Variants in GRIN2A observed in about 807,000 individuals in gnomAD.
GRIN2A encodes glutamate ionotropic receptor NMDA type subunit 2A.
GRIN2A carries 22 observed loss-of-function variants against 113.4 expected under a neutral mutation model. That is an observed-to-expected ratio of 0.19 (90% CI 0.14 to 0.28). The LOEUF (loss-of-function observed/expected upper bound fraction) is 0.28. Ranked by LOEUF, GRIN2A falls within the 10% of genes least tolerant of loss-of-function variation. The probability of loss-of-function intolerance (pLI) is 1.00; values close to 1 mark genes in which losing one functional copy is unlikely to be tolerated. For synonymous variants in GRIN2A, 827 were observed against 738.4 expected, an observed-to-expected ratio of 1.12 and a Z score of -1.94; for missense variants, 1,502 against 1,887.0, an observed-to-expected ratio of 0.80 and a Z score of 3.78.
chr16:9,763,377 G>GT lies in GRIN2A; in HGVS notation c.4166dup (p.His1389GlnfsTer10). On this transcript the variant is annotated frameshift_variant, in exon 13 of 13. Coordinates refer to ENST00000330684, the MANE Select transcript of GRIN2A (RefSeq NM_001134407.3). LOFTEE classifies it high-confidence loss of function. ...CATTCACCGCCTGGGATGGCAACGA[G>GT]TGTTTGTAAGGGTCCGAGGGGCATC... is the stretch of plus-strand genomic sequence containing the variant. 1 of 1,614,200 alleles carries GT rather than the reference G, an allele frequency of 6.2e-7. No homozygotes were observed. Among genetic ancestry groups the GT allele is most frequent in the Non-Finnish European group, 8.5e-7 (1 of 1,180,034 alleles).
At chr16:10,056,880 G>C (rs935559856) in intron 2 of GRIN2A, among the ~76,000 whole-genome samples, 1 of 152,128 alleles carries the variant, frequency 6.6e-6, no homozygotes, top group Non-Finnish European at 1.5e-5. Flanking sequence ...AATTCCTGTG[G>C]TTTTGAGCCA....
intron 3 of GRIN2A, among the ~76,000 whole-genome samples, chr16:9,930,992 G>A (rs1364394499): frequency 6.6e-6 from 1 of 152,166 alleles, no homozygotes; most frequent in Non-Finnish European, 1.5e-5. Context: ...AACTCAAGAA[G>A]TCAATCCAAA....
At chr16:9,971,312 C>T (rs1176469663) in intron 2 of GRIN2A, among the ~76,000 whole-genome samples, 1 of 152,194 alleles carries the variant, frequency 6.6e-6, no homozygotes, top group Non-Finnish European at 1.5e-5. Context: ...ACTCAACCAC[C>T]ATGCTTTGTG....
intron 2 of GRIN2A, among the ~76,000 whole-genome samples, chr16:9,961,960 T>C (rs930769772): frequency 1.3e-5 from 2 of 152,088 alleles, no homozygotes; most frequent in Non-Finnish European, 2.9e-5. Context: ...TAATACCACA[T>C]ATCTACAACT....
At chr16:10,090,890 A>G (rs1296968638) in intron 2 of GRIN2A, among the ~76,000 whole-genome samples, 1 of 152,214 alleles carries the variant, frequency 6.6e-6, no homozygotes, top group Non-Finnish European at 1.5e-5. Flanking sequence ...TATACTCAAT[A>G]GTTATTTCAT....
At chr16:10,131,561 G>A (rs1021892517) in intron 2 of GRIN2A, among the ~76,000 whole-genome samples, 2 of 152,024 alleles carry the variant, frequency 1.3e-5, no homozygotes, top group Non-Finnish European at 2.9e-5. Context: ...GCTACTGAGA[G>A]AGGCTTCAAA....
In GRIN2A at chr16:9,868,793, C is replaced by T. The variant is rs1425042532; in HGVS notation, c.1123-18832G>A. On this transcript the variant is annotated intron_variant, in intron 4 of 12. Transcript: ENST00000330684. ...GCCCCACATCAACTCATGAATCACA[C>T]AGAACTAATCACAGGCTTCTGAGTA... 5.3e-5 allele frequency among the ~76,000 whole-genome samples: 8 copies of T among 152,328 alleles called. No homozygotes were observed. In the South Asian group the frequency reaches 1.0e-3, roughly 20 times the overall value.
intron 2 of GRIN2A, among the ~76,000 whole-genome samples, chr16:10,120,774 A>G (rs2048817771): frequency 6.6e-6 from 1 of 152,078 alleles, no homozygotes; most frequent in Non-Finnish European, 1.5e-5. Context: ...TTAGTTCAAG[A>G]GAAACTGTTT....
chr16:9,964,194 G>C lies in GRIN2A; in HGVS notation c.415-25643C>G, dbSNP rs186214397. On this transcript the variant is annotated intron_variant, in intron 2 of 12. Coordinates refer to ENST00000330684, the MANE Select transcript of GRIN2A (RefSeq NM_001134407.3). Reference sequence around the variant, plus strand: ...AAAGGCACTGCCGCATGGACTTGAAGGGAATCGTCAAATATCCAAATGGAG... The same window carrying C: ...AAAGGCACTGCCGCATGGACTTGAACGGAATCGTCAAATATCCAAATGGAG... 1.3e-4 allele frequency among the ~76,000 whole-genome samples: 20 copies of C among 152,326 alleles called. No homozygotes were observed. The East Asian group carries it at 2.9e-3, about 22-fold the overall frequency.
intron 2 of GRIN2A, among the ~76,000 whole-genome samples, chr16:10,019,237 G>C (rs2046670592): frequency 6.6e-6 from 1 of 152,136 alleles, no homozygotes; most frequent in African/African-American, 2.4e-5. Flanking sequence ...GATAAAATAA[G>C]ATATAAACAT....
chr16:9,784,139 G>C (rs573498484), intron 11 of GRIN2A, among the ~76,000 whole-genome samples: 1 of 152,064 alleles, frequency 6.6e-6, no homozygotes, highest in South Asian at 2.1e-4. Context: ...TTTTTAAAAA[G>C]AATTATATGG....
intron 2 of GRIN2A, among the ~76,000 whole-genome samples, chr16:10,101,749 A>C (rs2048402107): frequency 6.6e-6 from 1 of 152,212 alleles, no homozygotes; most frequent in Admixed American, 6.5e-5. Flanking sequence ...GGCTACAAGA[A>C]AGTAGAGGGA....
chr16:10,148,924 G>T (rs1180306046), intron 2 of GRIN2A, among the ~76,000 whole-genome samples: 2 of 152,144 alleles, frequency 1.3e-5, no homozygotes, highest in Admixed American at 6.5e-5. Flanking sequence ...GAACAACATG[G>T]ATAGAACTGG....
Position 9,761,652 on chromosome 16 carries a change from T to G in GRIN2A, c.*1497A>C. ...AACTATCTTGTCGGGGGCACTTGTT[T>G]TTGTGGCAGGCACTGTGCTAACAGG... On this transcript the variant is annotated 3_prime_UTR_variant, in exon 13 of 13. Transcript: ENST00000330684. 4.4e-6 allele frequency: 1 copy of G among 228,924 alleles called. No homozygotes were observed. Among genetic ancestry groups the G allele is most frequent in the Non-Finnish European group, 8.7e-6 (1 of 115,288 alleles). 14.2% of individuals were successfully genotyped at this position (228,924 alleles called of 1,614,324 possible). A position where few individuals can be genotyped will look rare whatever the true frequency, so the allele number is the denominator to read the frequency against.
At chr16:9,838,526 C>T (rs1216844277) in intron 7 of GRIN2A, among the ~76,000 whole-genome samples, 2 of 152,150 alleles carry the variant, frequency 1.3e-5, no homozygotes, top group Non-Finnish European at 2.9e-5. Context: ...GGCCATCATT[C>T]TAAATATATG....
At chr16:10,048,285 C>A (rs550560487) in intron 2 of GRIN2A, among the ~76,000 whole-genome samples, 217 of 152,198 alleles carry the variant, frequency 1.4e-3, no homozygotes, top group African/African-American at 4.7e-3. Context: ...CTTAGTAAGC[C>A]CTATGTAAGC....
In GRIN2A at chr16:10,180,661, T is replaced by C. The variant is rs1678741491; in HGVS notation, c.-18-232A>G. ...TAATTCTCCATCCCCCAGCCCCTTCTCGCATCCAGCTTCCTCATCCCCTGT... is the reference window on the plus strand; with the variant it reads ...TAATTCTCCATCCCCCAGCCCCTTCCCGCATCCAGCTTCCTCATCCCCTGT... On this transcript the variant is annotated intron_variant, in intron 1 of 12. Coordinates refer to ENST00000330684, the MANE Select transcript of GRIN2A (RefSeq NM_001134407.3). The surrounding 1 kb of genome is among the most constrained non-coding windows in gnomAD (Gnocchi z 7.0). The C allele has an allele frequency of 7.5e-6, 5 of 668,286 alleles. No individual in the cohort carries two copies. In the Admixed American group the frequency reaches 1.5e-4, roughly 20 times the overall value. The allele number at this position is 668,286 out of a possible 1,614,324, so 41.4% of individuals were successfully genotyped here. A position where few individuals can be genotyped will look rare whatever the true frequency, so the allele number is the denominator to read the frequency against.
chr16:9,832,219 G>C (rs1240048980), intron 8 of GRIN2A, among the ~76,000 whole-genome samples: 1 of 151,812 alleles, frequency 6.6e-6, no homozygotes, highest in African/African-American at 2.4e-5. Flanking sequence ...GCCTCAAAAA[G>C]CCTTGACATC....
At chr16:10,151,815 G>A (rs919688318) in intron 2 of GRIN2A, among the ~76,000 whole-genome samples, 2 of 152,134 alleles carry the variant, frequency 1.3e-5, no homozygotes, top group East Asian at 1.9e-4. Context: ...AATTACCAAC[G>A]TGTTATAAAC....
Sources: gnomAD v4.1 joint callset for allele counts (sites outside exome capture counted in the v4.1 genomes callset) on GRCh38, gnomAD v4.1.1 for gene constraint, Gnocchi (gnomAD v3.1) non-coding constraint, MANE v1.5 for transcripts, NCBI Gene and HGNC (gene_info 2026-07-23, HGNC 2026-07-21) for gene names.